RUNX1T1: variants seen among roughly 807,000 people sequenced by gnomAD.
RUNX1T1 encodes RUNX1 partner transcriptional co-repressor 1.
Under a neutral mutation model 62.8 loss-of-function variants are expected in RUNX1T1, and 4 were observed. That is an observed-to-expected ratio of 0.06 (90% CI 0.03 to 0.15). RUNX1T1 has a LOEUF of 0.15. Among genes scored for constraint, RUNX1T1 ranks in the 10% least tolerant of loss-of-function variants. The pLI, the probability that RUNX1T1 is intolerant of heterozygous loss-of-function variation, is 1.00. For synonymous variants in RUNX1T1, 291 were observed against 286.0 expected (o/e 1.02, Z -0.18); for missense variants, 508 against 754.3 (o/e 0.67, Z 3.82).
intron 1 of RUNX1T1, among the ~76,000 whole-genome samples, chr8:92,083,648 G>C (rs1835635207): frequency 6.6e-6 from 1 of 152,208 alleles, no homozygotes; most frequent in Admixed American, 6.5e-5. Flanking sequence ...TACACTGTTG[G>C]TGGGGGTATA....
At chr8:92,001,937 C>A (rs1586925184) in intron 5 of RUNX1T1, among the ~76,000 whole-genome samples, 1 of 152,278 alleles carries the variant, frequency 6.6e-6, no homozygotes, top group Non-Finnish European at 1.5e-5. Flanking sequence ...CACAAAAGTG[C>A]TTGTGTCTTT....
intron 1 of RUNX1T1, among the ~76,000 whole-genome samples, chr8:92,026,197 G>T (rs1010578674): frequency 2.2e-4 from 33 of 152,108 alleles, no homozygotes; most frequent in Admixed American, 5.2e-4. Context: ...ACAAGCCAAA[G>T]AAATGCCCCA....
At chr8:91,983,783 T>A (rs540859356) in intron 8 of RUNX1T1, among the ~76,000 whole-genome samples, 1 of 152,296 alleles carries the variant, frequency 6.6e-6, no homozygotes, top group Non-Finnish European at 1.5e-5. Context: ...TTAATGTAAA[T>A]GATTGTGGCC....
chr8:92,052,917 T>C (rs1192379738), intron 1 of RUNX1T1, among the ~76,000 whole-genome samples: 1 of 152,190 alleles, frequency 6.6e-6, no homozygotes, highest in Non-Finnish European at 1.5e-5. Context: ...ATTAGGAAAC[T>C]CAACAGATGA....
At chr8:92,066,015 C>T (rs772547098), upstream of RUNX1T1, among the ~76,000 whole-genome samples, 14 of 152,108 alleles carry the variant, frequency 9.2e-5, no homozygotes, top group African/African-American at 2.7e-4. Context: ...ATATTCTAAC[C>T]GACCCAATAA....
chr8:92,080,924 G>A (rs1835153526), intron 1 of RUNX1T1, among the ~76,000 whole-genome samples: 1 of 152,230 alleles, frequency 6.6e-6, no homozygotes, highest in Non-Finnish European at 1.5e-5. Flanking sequence ...TATGACCAGT[G>A]AGTTAACAAA....
At chr8:91,979,277 C>G (rs1159223096) in intron 8 of RUNX1T1, among the ~76,000 whole-genome samples, 1 of 152,104 alleles carries the variant, frequency 6.6e-6, no homozygotes, top group Admixed American at 6.6e-5. Context: ...AAAAACAAAA[C>G]AAGGGACAAT....
chr8:92,024,230 G>A (rs1016265535), intron 1 of RUNX1T1, among the ~76,000 whole-genome samples: 2 of 151,016 alleles, frequency 1.3e-5, no homozygotes, highest in African/African-American at 4.9e-5. Context: ...CATGCAAGGT[G>A]GAGTGCGGTA....
chr8:91,983,002 A>C (rs1815728001), intron 8 of RUNX1T1, among the ~76,000 whole-genome samples: 2 of 131,308 alleles, frequency 1.5e-5, no homozygotes, highest in African/African-American at 5.9e-5. Flanking sequence ...ATCTCGGCTC[A>C]CTGCAACCTC....
chr8:91,987,715 C>T (rs73696999), intron 6 of RUNX1T1, among the ~76,000 whole-genome samples: 393 of 152,094 alleles, frequency 2.6e-3, no homozygotes, highest in African/African-American at 8.9e-3. Context: ...ATTAATTAAG[C>T]GGTTAGCTAG....
intron 1 of RUNX1T1, among the ~76,000 whole-genome samples, chr8:92,096,517 A>G (rs1451589071): frequency 6.6e-6 from 1 of 152,188 alleles, no homozygotes. Context: ...AGACAATGTG[A>G]ACATCTGATC....
At chr8:91,955,524 C>A (rs960940171), downstream of RUNX1T1, 1 of 225,554 alleles carries the variant, frequency 4.4e-6, no homozygotes, top group South Asian at 1.8e-4. Flanking sequence ...CTACCAAATT[C>A]TTGGAAAAGC....
chr8:91,980,248 T>C (rs76536156), intron 8 of RUNX1T1, among the ~76,000 whole-genome samples: 1 of 152,332 alleles, frequency 6.6e-6, no homozygotes, highest in African/African-American at 2.4e-5. Context: ...CAGTAGGCAT[T>C]TGCATTATGA....
chr8:92,067,848 T>C (rs1423588077), upstream of RUNX1T1, among the ~76,000 whole-genome samples: 1 of 152,202 alleles, frequency 6.6e-6, no homozygotes, highest in Non-Finnish European at 1.5e-5. Flanking sequence ...AATATGACAA[T>C]ATATTGTAGT....
exon 11 of RUNX1T1, chr8:91,960,291 C>T (rs1243617077): frequency 6.2e-7 from 1 of 1,610,096 alleles, no homozygotes; most frequent in East Asian, 2.2e-5. Flanking sequence ...GGTGGTTGAC[C>T]TCGGAGTGGC....
chr8:91,995,032 T>G (rs537240436), intron 5 of RUNX1T1, among the ~76,000 whole-genome samples: 4 of 152,224 alleles, frequency 2.6e-5, no homozygotes, highest in Non-Finnish European at 5.9e-5. Flanking sequence ...TTTGAACAAT[T>G]TATTATTTAT....
chr8:92,062,734 G>A lies in RUNX1T1; in HGVS notation c.-182C>T, dbSNP rs765508167. 1.8e-5 allele frequency: 29 copies of A among 1,584,312 alleles called. 3 individuals are homozygous for A. The Admixed American group carries it at 2.5e-4, about 14-fold the overall frequency. ...CCTGCCAGGCAGAGACAGATGGAGA[G>A]CTGACACTCCGGATTGCACTTGGAG... On this transcript the variant is annotated 5_prime_UTR_variant, in exon 1 of 11. Coordinates refer to ENST00000396218, the Ensembl canonical transcript of RUNX1T1.
chr8:91,976,815 G>A (rs917779320), intron 8 of RUNX1T1, among the ~76,000 whole-genome samples: 1 of 152,150 alleles, frequency 6.6e-6, no homozygotes, highest in African/African-American at 2.4e-5. Context: ...TGCATTTCAT[G>A]TCTTCCATAT....
At chr8:92,017,143 T>G in intron 2 of RUNX1T1, 83 bp downstream of exon 3, 1 of 1,050,624 alleles carries the variant, frequency 9.5e-7, no homozygotes, top group Non-Finnish European at 1.4e-6. Context: ...CTGAATTTTA[T>G]TTTCCCTTGA....
Sources: allele counts gnomAD v4.1 joint callset (sites outside exome capture counted in the v4.1 genomes callset), GRCh38; gene constraint gnomAD v4.1.1; transcripts MANE v1.5; gene names NCBI Gene and HGNC (gene_info 2026-07-23, HGNC 2026-07-21).